The following EPHB2 variants were observed in gnomAD, a reference collection of about 807,000 sequenced individuals.
EPHB2 encodes ephrin type-B receptor 2.
A neutral mutation model predicts 96.4 loss-of-function variants in EPHB2; 18 were observed. The ratio of observed to expected loss-of-function variants is 0.19; its 90% confidence interval spans 0.13 to 0.28. EPHB2 has a LOEUF of 0.28. Among genes scored for constraint, EPHB2 ranks in the 10% least tolerant of loss-of-function variants. EPHB2 has a pLI of 1.00. For synonymous variants in EPHB2, 506 were observed against 534.1 expected (o/e 0.95, Z 0.72); for missense variants, 989 against 1,355.4 (o/e 0.73, Z 4.25).
intron 3 of EPHB2, among the ~76,000 whole-genome samples, chr1:22,838,595 T>C (rs1167330384): frequency 6.6e-6 from 1 of 152,170 alleles, no homozygotes; most frequent in Non-Finnish European, 1.5e-5. Context: ...TAAGCTAGCA[T>C]GTAGCTCCTG....
chr1:22,757,138 G>A (rs1218533336), intron 1 of EPHB2, among the ~76,000 whole-genome samples: 1 of 152,048 alleles, frequency 6.6e-6, no homozygotes, highest in Non-Finnish European at 1.5e-5. Flanking sequence ...GGTGGGAGAG[G>A]GCCTTTGTGT....
rs5773014 is a variant in EPHB2, at chr1:22,718,379, C to CTT, written c.61+7358_61+7359dup. On this transcript the variant is annotated intron_variant, in intron 1 of 15. Coordinates refer to ENST00000374630, the MANE Select transcript of EPHB2 (RefSeq NM_017449.5). The stretch of plus-strand genomic sequence containing the variant: ...ATGATCATGGGAATGGCTGTCAATT[C>CTT]TTTTTTTTTTTTTTTTTTTTTTTGA... 6.5e-3 allele frequency among the ~76,000 whole-genome samples: 533 copies of CTT among 81,408 alleles called. 10 individuals carry two copies. Among genetic ancestry groups the CTT allele is most frequent in the African/African-American group, 0.014 (323 of 22,962 alleles). 53.4% of individuals were successfully genotyped at this position (81,408 alleles called of 152,430 possible). A position where few individuals can be genotyped will look rare whatever the true frequency, so the allele number is the denominator to read the frequency against.
At chr1:22,797,188 C>T (rs527390332) in intron 3 of EPHB2, among the ~76,000 whole-genome samples, 2 of 152,290 alleles carry the variant, frequency 1.3e-5, no homozygotes, top group Admixed American at 1.3e-4. Flanking sequence ...CTGAAGCCCC[C>T]TTGCTGCTGA....
At chr1:22,859,194 A>G (rs1193721812) in intron 3 of EPHB2, among the ~76,000 whole-genome samples, 2 of 148,544 alleles carry the variant, frequency 1.3e-5, no homozygotes, top group Non-Finnish European at 3.0e-5. Flanking sequence ...CCTAGAAGAG[A>G]TGATGTCTTA....
intron 9 of EPHB2, among the ~76,000 whole-genome samples, chr1:22,898,917 A>G (rs946825711): frequency 6.6e-6 from 1 of 152,230 alleles, no homozygotes; most frequent in East Asian, 1.9e-4. Flanking sequence ...GGGCTTAAAA[A>G]TAGTTTGGGG....
chr1:22,809,950 G>A (rs1644980111), intron 3 of EPHB2, among the ~76,000 whole-genome samples: 1 of 152,194 alleles, frequency 6.6e-6, no homozygotes, highest in African/African-American at 2.4e-5. Context: ...CTGAAGGTAG[G>A]GTAGGGCTTC....
chr1:22,793,361 AACT>A lies in EPHB2; in HGVS notation c.811+8288_811+8290del, dbSNP rs1644722560. Among the ~76,000 whole-genome samples, 3 of 152,242 alleles carry A rather than the reference AACT, an allele frequency of 2.0e-5. No homozygotes were observed. The South Asian group carries it at 6.2e-4, about 32-fold the overall frequency. ...GGGCGCAGGAGAGAGCTCTATCCAT[AACT>A]ACAGACTTGGGGTGCTTAGGAGGGA... On this transcript the variant is annotated intron_variant, in intron 3 of 15. Coordinates refer to ENST00000374630, the MANE Select transcript of EPHB2 (RefSeq NM_017449.5).
chr1:22,886,698 C>T (rs1417679102), intron 6 of EPHB2, among the ~76,000 whole-genome samples: 3 of 148,372 alleles, frequency 2.0e-5, no homozygotes, highest in African/African-American at 5.0e-5. Context: ...ACAATCTCGG[C>T]TCACCACAAC....
chr1:22,739,328 G>T (rs905759593), intron 1 of EPHB2, among the ~76,000 whole-genome samples: 2 of 152,084 alleles, frequency 1.3e-5, no homozygotes, highest in Non-Finnish European at 2.9e-5. Context: ...CGATTCTCGT[G>T]CCTTAGACCC....
At position 22,753,195 on chromosome 1, in the gene EPHB2, C is replaced by G. The variant is rs145082322; in HGVS notation, c.62-28226C>G. Among the ~76,000 whole-genome samples the G allele has an allele frequency of 7.6e-3, 1,150 of 151,880 alleles. 19 individuals are homozygous for G. The highest frequency in any genetic ancestry group is 0.026 in the African/African-American group (1,078 of 41,422). On this transcript the variant is annotated intron_variant, in intron 1 of 15. Coordinates refer to ENST00000374630, the MANE Select transcript of EPHB2 (RefSeq NM_017449.5). ...GTGTGAGCTCCAGAGTTGGGCAACCCTGGATTTACAGGCCAGTTTTCCCAA... is the reference window on the plus strand; with the variant it reads ...GTGTGAGCTCCAGAGTTGGGCAACCGTGGATTTACAGGCCAGTTTTCCCAA...
chr1:22,791,200 G>T (rs1235388606), intron 3 of EPHB2, among the ~76,000 whole-genome samples: 1 of 151,850 alleles, frequency 6.6e-6, no homozygotes, highest in Non-Finnish European at 1.5e-5. Context: ...TTCCTGGTGA[G>T]CTTTTTATTT....
intron 8 of EPHB2, among the ~76,000 whole-genome samples, chr1:22,895,783 G>T (rs1639539716): frequency 6.6e-6 from 1 of 152,280 alleles, no homozygotes; most frequent in Admixed American, 6.5e-5. Context: ...TTTGGGATAG[G>T]CATCGCCCCT....
rs1640255272 is a variant in EPHB2, at chr1:22,915,958, AT to A, written c.*2389del. 6.6e-6 allele frequency: 1 copy of A among 152,394 alleles called. No homozygotes were observed. Among genetic ancestry groups the A allele is most frequent in the South Asian group, 2.1e-4 (1 of 4,844 alleles). The allele number at this position is 152,394 out of a possible 1,614,324, so 9.4% of individuals were successfully genotyped here. A position where few individuals can be genotyped will look rare whatever the true frequency, so the allele number is the denominator to read the frequency against. On this transcript the variant is annotated 3_prime_UTR_variant, in exon 16 of 16. Transcript: ENST00000374630. The stretch of plus-strand genomic sequence containing the variant: ...GTGAACATCCAGCACAGCACAGCCC[AT>A]CGTCTGTCACTCACCTGTTCCGGGA...
rs971791206 is a variant in EPHB2 at position 22,875,620 on chromosome 1, C to T, written c.1304-6739C>T. Among the ~76,000 whole-genome samples the T allele has an allele frequency of 6.6e-6, 1 of 152,152 alleles. No individual in the cohort carries two copies. The highest frequency in any genetic ancestry group is 1.5e-5 in the Non-Finnish European group (1 of 68,020). ...TTTTCCCTTTCTCCCTTCCTTCCTC[C>T]TTCCTTCCTCACTTTCTCCCTTCCT... On this transcript the variant is annotated intron_variant, in intron 5 of 15. Transcript: ENST00000374630. This position sits in a 1 kb window ranked among gnomAD's most constrained non-coding sequence, Gnocchi z 4.2.
At chr1:22,722,602 G>T (rs1225740834) in intron 1 of EPHB2, among the ~76,000 whole-genome samples, 1 of 152,176 alleles carries the variant, frequency 6.6e-6, no homozygotes, top group Non-Finnish European at 1.5e-5. Flanking sequence ...CCACGCTCCA[G>T]AACAATCCAG....
chr1:22,745,682 G>T (rs2148371935), intron 1 of EPHB2, among the ~76,000 whole-genome samples: 1 of 152,158 alleles, frequency 6.6e-6, no homozygotes, highest in African/African-American at 2.4e-5. Context: ...GTGGTCACAG[G>T]GGTTGAGAGG....
chr1:22,835,897 GA>G (rs11361622), intron 3 of EPHB2: 40,908 of 152,166 alleles, frequency 0.27, 6,356 homozygotes, highest in Middle Eastern at 0.42. Flanking sequence ...CAAATGAGGA[GA>G]AAAGGCGTTT....
chr1:22,819,537 G>A (rs1383876844), intron 3 of EPHB2, among the ~76,000 whole-genome samples: 1 of 152,086 alleles, frequency 6.6e-6, no homozygotes, highest in Non-Finnish European at 1.5e-5. Flanking sequence ...ATAAGTAAAG[G>A]GGTGAGGGTC....
At chr1:22,824,117 G>A (rs932342681) in intron 3 of EPHB2, among the ~76,000 whole-genome samples, 36 of 152,142 alleles carry the variant, frequency 2.4e-4, no homozygotes, top group African/African-American at 7.7e-4. Flanking sequence ...GGGAGGGGCT[G>A]GATAGGTAGG....
Sources: allele counts gnomAD v4.1 joint callset (sites outside exome capture counted in the v4.1 genomes callset), GRCh38; gene constraint gnomAD v4.1.1; non-coding constraint Gnocchi (gnomAD v3.1); transcripts MANE v1.5; gene names NCBI Gene and HGNC (gene_info 2026-07-23, HGNC 2026-07-21).